Variants in UGT1A9 observed in about 807,000 individuals in gnomAD.
UGT1A9 encodes UDP glucuronosyltransferase family 1 member A9.
A neutral mutation model predicts 45.0 loss-of-function variants in UGT1A9; 35 were observed. The ratio of observed to expected loss-of-function variants is 0.78; its 90% CI spans 0.59 to 1.03. UGT1A9 has a LOEUF of 1.03. UGT1A9 is among the 50% of genes least tolerant of loss of function. The pLI is 0.00. For synonymous variants in UGT1A9, 278 were observed against 250.6 expected (o/e 1.11, Z -1.03); for missense variants, 687 against 666.6 (o/e 1.03, Z -0.34).
chr2:233,709,621 T>A (rs1424178540), intron 1 of UGT1A9, among the ~76,000 whole-genome samples: 1 of 152,210 alleles, frequency 6.6e-6, no homozygotes, highest in Non-Finnish European at 1.5e-5. Context: ...TATAGGTGTT[T>A]TGCTGTGAGT....
chr2:233,760,934 C>A (rs907848517), intron 1 of UGT1A9: 10 of 1,614,178 alleles, frequency 6.2e-6, no homozygotes, highest in Non-Finnish European at 8.5e-6. Flanking sequence ...ATGCTCATTG[C>A]CTTTTCACAG....
In UGT1A9 at chr2:233,672,620, A is replaced by G; in HGVS notation, c.686A>G (p.Glu229Gly). The G allele has an allele frequency of 1.2e-6, 2 of 1,613,934 alleles. No homozygotes were observed. Among genetic ancestry groups the G allele is most frequent in the Non-Finnish European group, 1.7e-6 (2 of 1,179,840 alleles). ...LCHRFFKNALEIASEILQTPV... is the reference protein window; with the variant it reads ...LCHRFFKNALGIASEILQTPV... The stretch of plus-strand genomic sequence containing the variant: ...CACCGTTTTTTCAAAAATGCCCTAG[A>G]AATAGCCTCTGAAATTCTCCAAACA... Residue 229 changes from glutamate to glycine, a missense_variant, in exon 1 of 5, where the codon GAA becomes GGA. Glu to Gly is a moderately conservative substitution (Grantham distance 98). Transcript: ENST00000354728.
intron 1 of UGT1A9, chr2:233,692,815 A>G: frequency 7.0e-7 from 1 of 1,427,232 alleles, no homozygotes; most frequent in Non-Finnish European, 9.1e-7. Context: ...GTTGGTTCAT[A>G]TTAACCATGT....
intron 1 of UGT1A9, among the ~76,000 whole-genome samples, chr2:233,757,535 AATATATAT>A (rs67292694): frequency 0.018 from 1,589 of 88,318 alleles, 155 homozygotes; most frequent in African/African-American, 0.076. Flanking sequence ...GCCTGTAAGG[AATATATAT>A]ATATATATAT....
intron 1 of UGT1A9, among the ~76,000 whole-genome samples, chr2:233,676,308 T>A (rs1176322350): frequency 6.6e-6 from 1 of 152,120 alleles, no homozygotes; most frequent in African/African-American, 2.4e-5. Flanking sequence ...TTTCTCACAG[T>A]CTGTTGAGTG....
chr2:233,766,981 G>A, intron 1 of UGT1A9, 53 bp from the exon 2 acceptor site: 1 of 1,612,648 alleles, frequency 6.2e-7, no homozygotes, highest in Non-Finnish European at 8.5e-7. Flanking sequence ...ACTGTATGTA[G>A]TCATCAAAGA....
At chr2:233,719,666 C>CA in intron 1 of UGT1A9, 22 of 1,614,092 alleles carry the variant, frequency 1.4e-5, no homozygotes, top group Non-Finnish European at 1.9e-5. Context: ...TCAACTGTGC[C>CA]AACGGGAAGC....
intron 1 of UGT1A9, among the ~76,000 whole-genome samples, chr2:233,699,129 CAG>C (rs1340305357): frequency 6.6e-6 from 1 of 152,214 alleles, no homozygotes; most frequent in Non-Finnish European, 1.5e-5. Context: ...CTACTTATGT[CAG>C]ATTCTCATGG....
chr2:233,772,509 T>C lies in UGT1A9; in HGVS notation c.1543T>C (p.Leu515=). 1.9e-6 allele frequency: 3 copies of C among 1,614,170 alleles called. No individual in the cohort carries two copies. Among genetic ancestry groups the C allele is most frequent in the Middle Eastern group, 1.6e-4 (1 of 6,062 alleles). ...TTGTGCTTATGGCTACCGGAAATGC[T>C]TGGGGAAAAAAGGGCGAGTTAAGAA... The part of the protein sequence containing the change: ...KCCAYGYRKC[L]GKKGRVKKAH... Residue 515 remains leucine, a synonymous_variant, in exon 5 of 5, where the codon TTG becomes CTG. Transcript: ENST00000354728.
chr2:233,743,636 C>A (rs764566878), intron 1 of UGT1A9: 1 of 1,367,194 alleles, frequency 7.3e-7, no homozygotes. Context: ...GGCTGGGTCG[C>A]GGAAGCTGAA....
At chr2:233,746,498 T>C (rs4663968) in intron 1 of UGT1A9, among the ~76,000 whole-genome samples, 12,171 of 151,768 alleles carry the variant, frequency 0.08, 741 homozygotes, top group East Asian at 0.2. Flanking sequence ...TGTCACTCTT[T>C]AGTAGCCCCC....
At chr2:233,701,614 C>A (rs1194546253) in intron 1 of UGT1A9, among the ~76,000 whole-genome samples, 1 of 152,080 alleles carries the variant, frequency 6.6e-6, no homozygotes, top group Non-Finnish European at 1.5e-5. Context: ...CCTCAGCAAA[C>A]GTAAAAGAAC....
At chr2:233,712,888 TTGA>T in intron 1 of UGT1A9, 3 of 1,603,412 alleles carry the variant, frequency 1.9e-6, no homozygotes, top group Non-Finnish European at 2.6e-6. Context: ...CAATTACATG[TTGA>T]TTTGCTAGGT....
chr2:233,750,234 G>T (rs928737676), intron 1 of UGT1A9, among the ~76,000 whole-genome samples: 6 of 151,846 alleles, frequency 4.0e-5, no homozygotes, highest in African/African-American at 1.5e-4. Flanking sequence ...GGAACTTATT[G>T]GGAACTGGAA....
At chr2:233,721,819 T>C in intron 1 of UGT1A9, 1 of 516,632 alleles carries the variant, frequency 1.9e-6, no homozygotes, top group Non-Finnish European at 3.9e-6. Flanking sequence ...TCCAGCACCC[T>C]ATTTGGGCCA....
intron 1 of UGT1A9, chr2:233,713,516 C>A: frequency 1.2e-6 from 2 of 1,613,934 alleles, no homozygotes; most frequent in Non-Finnish European, 1.7e-6. Context: ...TCTTGAGGAA[C>A]ATTCCATGTG....
intron 1 of UGT1A9, among the ~76,000 whole-genome samples, chr2:233,752,171 G>A (rs1336232019): frequency 2.6e-5 from 4 of 152,222 alleles, no homozygotes; most frequent in Non-Finnish European, 2.9e-5. Context: ...AGTGTGTGAT[G>A]TAAGCTGAAT....
chr2:233,728,580 C>A (rs28898616), intron 1 of UGT1A9, among the ~76,000 whole-genome samples: 1 of 152,188 alleles, frequency 6.6e-6, no homozygotes, highest in African/African-American at 2.4e-5. Flanking sequence ...GTGCGAAAAA[C>A]GACCAAAACC....
intron 1 of UGT1A9, among the ~76,000 whole-genome samples, chr2:233,674,949 C>T (rs2074303116): frequency 6.6e-6 from 1 of 152,142 alleles, no homozygotes; most frequent in Non-Finnish European, 1.5e-5. Flanking sequence ...TTGGTTACAT[C>T]TTGCTGGGAA....
Sources: gnomAD v4.1 joint callset for allele counts (sites outside exome capture counted in the v4.1 genomes callset) on GRCh38, gnomAD v4.1.1 for gene constraint, MANE v1.5 for transcripts, NCBI Gene and HGNC (gene_info 2026-07-23, HGNC 2026-07-21) for gene names.